The following PRXL2C variants were observed in gnomAD, a reference collection of about 807,000 sequenced individuals.
PRXL2C encodes the protein peroxiredoxin-like 2C.
A neutral mutation model predicts 24.9 loss-of-function variants in PRXL2C; 38 were observed. The observed-to-expected ratio is 1.53, with a 90% CI of 1.18 to 2.00. PRXL2C has a LOEUF of 2.00. Ranked by LOEUF, PRXL2C falls within the 30% of genes most tolerant of loss-of-function variation. PRXL2C has a pLI of 0.00. For synonymous variants in PRXL2C, 98 were observed against 117.2 expected (o/e 0.84, Z 1.06); for missense variants, 294 against 290.9 (o/e 1.01, Z -0.08).
chr9:96,651,075 G>A (rs113208026), intron 4 of PRXL2C, among the ~76,000 whole-genome samples: 2,485 of 152,116 alleles, frequency 0.016, 63 homozygotes, highest in African/African-American at 0.055. Context: ...TCAGGAGTTC[G>A]AGACCACCCT....
intron 2 of PRXL2C, among the ~76,000 whole-genome samples, chr9:96,653,068 T>C (rs1564410471): frequency 6.6e-6 from 1 of 151,702 alleles, no homozygotes; most frequent in Non-Finnish European, 1.5e-5. Flanking sequence ...CTACTAAAAA[T>C]ACAAAAAATT....
At chr9:96,642,195 G>C (rs1848126624) in intron 5 of PRXL2C, among the ~76,000 whole-genome samples, 2 of 152,092 alleles carry the variant, frequency 1.3e-5, no homozygotes, top group African/African-American at 4.8e-5. Context: ...CAGACGGGCA[G>C]AATACGGAAC....
intron 4 of PRXL2C, among the ~76,000 whole-genome samples, chr9:96,647,258 T>C (rs369742589): frequency 6.6e-6 from 1 of 152,212 alleles, no homozygotes; most frequent in Non-Finnish European, 1.5e-5. Flanking sequence ...TTCCACTTCA[T>C]TGGAGCAAAG....
intron 5 of PRXL2C, among the ~76,000 whole-genome samples, chr9:96,645,526 G>A (rs1396157483): frequency 6.6e-6 from 1 of 151,872 alleles, no homozygotes; most frequent in Non-Finnish European, 1.5e-5. Flanking sequence ...GGTGGGGCGC[G>A]GTGGCTCATG....
At chr9:96,644,665 T>G (rs1446512208) in intron 5 of PRXL2C, among the ~76,000 whole-genome samples, 1 of 151,246 alleles carries the variant, frequency 6.6e-6, no homozygotes, top group Non-Finnish European at 1.5e-5. Context: ...TTTTGTACTT[T>G]TAGTAGAGAT....
chr9:96,645,051 C>T (rs1039368301), intron 5 of PRXL2C, among the ~76,000 whole-genome samples: 9 of 151,120 alleles, frequency 6.0e-5, no homozygotes, highest in East Asian at 2.0e-4. Context: ...GGACTACAGG[C>T]ACCCGCCACC....
intron 5 of PRXL2C, among the ~76,000 whole-genome samples, chr9:96,643,236 C>T (rs965377310): frequency 6.6e-6 from 1 of 151,752 alleles, no homozygotes; most frequent in African/African-American, 2.4e-5. Context: ...TCTCCATGTG[C>T]TCTTTCTTCT....
chr9:96,643,478 C>T (rs1262030034), intron 5 of PRXL2C, among the ~76,000 whole-genome samples: 1 of 152,104 alleles, frequency 6.6e-6, no homozygotes, highest in Non-Finnish European at 1.5e-5. Context: ...GATCTCCCGA[C>T]CTTGTGATCT....
chr9:96,640,218 C>T lies in PRXL2C; in HGVS notation c.*1541G>A, dbSNP rs1003004781. The T allele has an allele frequency of 6.6e-6, 1 of 151,736 alleles. No homozygotes were observed. Among genetic ancestry groups the T allele is most frequent in the Non-Finnish European group, 1.5e-5 (1 of 67,956 alleles). 9.4% of individuals were successfully genotyped at this position (151,736 alleles called of 1,614,324 possible). A position where few individuals can be genotyped will look rare whatever the true frequency, so the allele number is the denominator to read the frequency against. On this transcript the variant is annotated 3_prime_UTR_variant, in exon 6 of 6. Transcript: ENST00000375234. ...TAAACCATAGTGTACATTTAAGTTA[C>T]CAAGTTTTAAAAAATTTTAACAATT...
intron 5 of PRXL2C, 38 bp downstream of exon 5, chr9:96,645,854 AC>A: frequency 6.4e-7 from 1 of 1,553,192 alleles, no homozygotes; most frequent in Non-Finnish European, 8.7e-7. Context: ...TGTAAAAAGC[AC>A]AAGACGTCTA....
In PRXL2C at chr9:96,654,947, C is replaced by A. The variant is rs1056504873; in HGVS notation, c.192+143G>T. On this transcript the variant is annotated intron_variant, in intron 1 of 5. Coordinates refer to ENST00000375234, the MANE Select transcript of PRXL2C (RefSeq NM_153698.2). ...GGGCCTCGCCCTCGCCCTCTCCCTG[C>A]CCCGCCCTAGTTGGGAAGCGGCCGC... 108 of 1,218,160 alleles carry A rather than the reference C, an allele frequency of 8.9e-5. No homozygotes were observed. The Admixed American group carries it at 3.7e-3, about 42-fold the overall frequency. The allele number at this position is 1,218,160 out of a possible 1,614,324, so 75.5% of individuals were successfully genotyped here.
chr9:96,645,568 T>C (rs1055890626), intron 5 of PRXL2C, among the ~76,000 whole-genome samples: 12 of 151,394 alleles, frequency 7.9e-5, no homozygotes, highest in Non-Finnish European at 1.2e-4. Flanking sequence ...GAGGCCGAGG[T>C]GGGTGGATCA....
In PRXL2C at chr9:96,652,710, G is replaced by C. The variant is rs533904688; in HGVS notation, c.262-998C>G. On this transcript the variant is annotated intron_variant, in intron 2 of 5. Coordinates refer to ENST00000375234, the MANE Select transcript of PRXL2C (RefSeq NM_153698.2). ...AGGAACTTTTGTACACTGTTGTTAG[G>C]AATGTAAATTAGTACAGCCATTACG... 1.1e-4 allele frequency among the ~76,000 whole-genome samples: 16 copies of C among 152,200 alleles called. No individual in the cohort carries two copies. The South Asian group carries it at 3.1e-3, about 30-fold the overall frequency.
In PRXL2C at chr9:96,654,743, C is replaced by T; in HGVS notation, c.223G>A (p.Val75Ile). 6.4e-7 allele frequency: 1 copy of T among 1,567,172 alleles called. No homozygotes were observed. The highest frequency in any genetic ancestry group is 8.7e-7 in the Non-Finnish European group (1 of 1,154,606). ...HFLCYICKEY[V>I]EDLAKIPRSF... Reference sequence around the variant, plus strand: ...CTGGGGATTTTGGCCAGATCCTCTACGTATTCCTTGCAGATGTAACACAGG... The same window carrying T: ...CTGGGGATTTTGGCCAGATCCTCTATGTATTCCTTGCAGATGTAACACAGG... Residue 75 changes from valine (V) to isoleucine (I), a missense_variant, in exon 2 of 6, where the codon GTA (valine) becomes ATA (isoleucine). Transcript: ENST00000375234.
rs1364180973 is a variant in PRXL2C, at chr9:96,654,696, G to A, written c.261+9C>T. 26 of 1,558,306 alleles carry A rather than the reference G, an allele frequency of 1.7e-5. No homozygotes were observed. Among genetic ancestry groups the A allele is most frequent in the Non-Finnish European group, 2.2e-5 (25 of 1,150,034 alleles). Reference sequence around the variant, plus strand: ...GCGGGCACTGGGCCGCCCACGCTGGGAAACTCACTTGTAAGAAACTCCTGG... The same window carrying A: ...GCGGGCACTGGGCCGCCCACGCTGGAAAACTCACTTGTAAGAAACTCCTGG... On this transcript the variant is annotated intron_variant, in intron 2 of 5. Transcript: ENST00000375234.
intron 5 of PRXL2C, among the ~76,000 whole-genome samples, 172 bp downstream of exon 5, chr9:96,645,721 C>T (rs1041718932): frequency 6.6e-6 from 1 of 150,756 alleles, no homozygotes; most frequent in East Asian, 2.0e-4. Flanking sequence ...GGCGTGAACC[C>T]GGGAGGCAGA....
At chr9:96,643,493 A>AG (rs1848147329) in intron 5 of PRXL2C, among the ~76,000 whole-genome samples, 1 of 152,108 alleles carries the variant, frequency 6.6e-6, no homozygotes, top group Admixed American at 6.5e-5. Context: ...TGATCTGCTC[A>AG]CCTTGGGCTC....
rs751143754 is a variant in PRXL2C at position 96,651,747 on chromosome 9, A to C, written c.262-35T>G. 4 of 1,540,790 alleles carry C rather than the reference A, an allele frequency of 2.6e-6. No individual in the cohort carries two copies. The South Asian group carries it at 4.7e-5, about 18-fold the overall frequency. Reference sequence around the variant, plus strand: ...AAAAAAAGGACATGTATATATCATTAGAAATTATGCATGTTTTATACAACA... The same window carrying C: ...AAAAAAAGGACATGTATATATCATTCGAAATTATGCATGTTTTATACAACA... On this transcript the variant is annotated intron_variant, in intron 2 of 5. Transcript: ENST00000375234.
chr9:96,653,303 C>T (rs535270863), intron 2 of PRXL2C, among the ~76,000 whole-genome samples: 1 of 151,764 alleles, frequency 6.6e-6, no homozygotes, highest in Non-Finnish European at 1.5e-5. Flanking sequence ...CTGTTATTTG[C>T]GACAACACTA....
Sources: allele counts gnomAD v4.1 joint callset (sites outside exome capture counted in the v4.1 genomes callset), GRCh38; gene constraint gnomAD v4.1.1; transcripts MANE v1.5; gene names NCBI Gene and HGNC (gene_info 2026-07-23, HGNC 2026-07-21).